PPP4R3A: variants seen among roughly 807,000 people sequenced by gnomAD.
PPP4R3A encodes serine/threonine-protein phosphatase 4 regulatory subunit 3A.
In PPP4R3A, 15 loss-of-function variants were observed where a neutral mutation model predicts 91.7. The observed-to-expected ratio is 0.16, with a 90% CI of 0.11 to 0.25. The LOEUF is 0.25. Among genes scored for constraint, PPP4R3A ranks in the 10% least tolerant of loss-of-function variants. The pLI is 1.00. For synonymous variants in PPP4R3A, 377 were observed against 348.7 expected, an observed-to-expected ratio of 1.08 and a Z score of -0.91; for missense variants, 623 against 998.4, an observed-to-expected ratio of 0.62 and a Z score of 5.07.
intron 10 of PPP4R3A, among the ~76,000 whole-genome samples, chr14:91,468,011 ACT>A (rs1464139230): frequency 1.3e-5 from 2 of 151,998 alleles, no homozygotes; most frequent in Non-Finnish European, 2.9e-5. Flanking sequence ...TTTGATAAAA[ACT>A]CCTATTGCAT....
intron 11 of PPP4R3A, among the ~76,000 whole-genome samples, chr14:91,464,544 G>A (rs563117048): frequency 1.8e-4 from 28 of 152,150 alleles, no homozygotes; most frequent in African/African-American, 6.3e-4. Flanking sequence ...TGGGAGGATC[G>A]TTTGAGCCCA....
chr14:91,471,005 A>G lies in PPP4R3A; in HGVS notation c.1502-10T>C. On this transcript the variant is annotated splice_polypyrimidine_tract_variant and intron_variant, in intron 9 of 14. Coordinates refer to ENST00000554943, the MANE Select transcript of PPP4R3A (RefSeq NM_001366432.2). Reference sequence around the variant, plus strand: ...GCAGTCTGAAAATCATCTAAAAGAAACAAAACACAACTAATTATATTTAAT... The same window carrying G: ...GCAGTCTGAAAATCATCTAAAAGAAGCAAAACACAACTAATTATATTTAAT... 3.8e-6 allele frequency: 6 copies of G among 1,572,060 alleles called. No individual in the cohort carries two copies. The highest frequency in any genetic ancestry group is 5.1e-6 in the Non-Finnish European group (6 of 1,166,990).
intron 1 of PPP4R3A, among the ~76,000 whole-genome samples, chr14:91,496,799 T>G (rs2140147723): frequency 6.6e-6 from 1 of 152,316 alleles, no homozygotes; most frequent in East Asian, 1.9e-4. Flanking sequence ...GTCTTTCAAC[T>G]TGAGGGCTCA....
At chr14:91,471,895 C>T (rs1391174502) in intron 9 of PPP4R3A, among the ~76,000 whole-genome samples, 1 of 151,574 alleles carries the variant, frequency 6.6e-6, no homozygotes, top group Non-Finnish European at 1.5e-5. Flanking sequence ...GAAAACCCTG[C>T]CTCTACTAAA....
Position 91,458,722 on chromosome 14 carries a change from T to G in PPP4R3A, c.*37A>C. The G allele has an allele frequency of 6.2e-7, 1 of 1,614,028 alleles. No individual in the cohort carries two copies. The highest frequency in any genetic ancestry group is 8.5e-7 in the Non-Finnish European group (1 of 1,179,928). On this transcript the variant is annotated 3_prime_UTR_variant, in exon 15 of 15. Transcript: ENST00000554943. ...ATGGGGGAGGGGTGGAGAACCAGTTTTTTTCAACAGGTACTGATCCTAGGC... is the reference window on the plus strand; with the variant it reads ...ATGGGGGAGGGGTGGAGAACCAGTTGTTTTCAACAGGTACTGATCCTAGGC...
At position 91,489,065 on chromosome 14, in the gene PPP4R3A, G is replaced by A. The variant is rs139718469; in HGVS notation, c.198+1682C>T. On this transcript the variant is annotated intron_variant, in intron 2 of 14. Coordinates refer to ENST00000554943, the MANE Select transcript of PPP4R3A (RefSeq NM_001366432.2). ...TGGGACTGCAGGTACCCGCCACCAC[G>A]CCCAGCTTATTTTTTGTATATTTAG... Among the ~76,000 whole-genome samples the A allele has an allele frequency of 1.7e-3, 260 of 151,984 alleles. 3 individuals are homozygous for A. Among genetic ancestry groups the A allele is most frequent in the Middle Eastern group, 3.4e-3 (1 of 294 alleles).
At position 91,462,887 on chromosome 14, in the gene PPP4R3A, A is replaced by C. The variant is rs1217596331; in HGVS notation, c.1831-10T>G. The C allele has an allele frequency of 4.4e-6, 7 of 1,575,686 alleles. No individual in the cohort carries two copies. The South Asian group carries it at 6.8e-5, about 15-fold the overall frequency. ...ATGATTTTATATCTTCCTACAGAAA[A>C]GAATAGTAATGAAAAAATGATAGGA... is the stretch of plus-strand genomic sequence containing the variant. On this transcript the variant is annotated splice_polypyrimidine_tract_variant and intron_variant, in intron 11 of 14. Coordinates refer to ENST00000554943, the MANE Select transcript of PPP4R3A (RefSeq NM_001366432.2).
intron 4 of PPP4R3A, among the ~76,000 whole-genome samples, chr14:91,477,469 A>C (rs1030256716): frequency 5.3e-5 from 8 of 152,232 alleles, no homozygotes; most frequent in African/African-American, 1.9e-4. Flanking sequence ...AGTGTTTTAA[A>C]GATACAGAGA....
At chr14:91,509,118 C>T (rs529051400) in intron 1 of PPP4R3A, among the ~76,000 whole-genome samples, 1 of 152,228 alleles carries the variant, frequency 6.6e-6, no homozygotes, top group Non-Finnish European at 1.5e-5. Context: ...AGTTTCATGC[C>T]TGCTTTACAG....
At chr14:91,508,430 C>T (rs1486500037) in intron 1 of PPP4R3A, among the ~76,000 whole-genome samples, 2 of 152,122 alleles carry the variant, frequency 1.3e-5, no homozygotes, top group Non-Finnish European at 2.9e-5. Flanking sequence ...AATTCAGATA[C>T]AGAATCGCTA....
chr14:91,487,204 C>A (rs968879864), intron 2 of PPP4R3A, among the ~76,000 whole-genome samples: 1 of 130,060 alleles, frequency 7.7e-6, no homozygotes, highest in African/African-American at 2.9e-5. Flanking sequence ...GATCCGAGAT[C>A]GTGCCACTGC....
intron 3 of PPP4R3A, among the ~76,000 whole-genome samples, chr14:91,483,205 GCAAGTAGAAGGC>G (rs1853193308): frequency 6.6e-6 from 1 of 152,110 alleles, no homozygotes; most frequent in African/African-American, 2.4e-5. Context: ...GAACACTAAA[GCAAGTAGAAGGC>G]CAAGTAGAAT....
intron 3 of PPP4R3A, among the ~76,000 whole-genome samples, chr14:91,483,451 C>G (rs1889693456): frequency 6.6e-6 from 1 of 152,194 alleles, no homozygotes. Context: ...TGGTCTCACA[C>G]TGGCTCTGAA....
Position 91,458,483 on chromosome 14 carries a change from C to CAA in PPP4R3A, c.*275_*276insTT. ...AGAGTTCCACTTACAAAACCCCTGC[C>CAA]CTGTTGGCTTTTTGTTTCCATTTCC... is the stretch of plus-strand genomic sequence containing the variant. On this transcript the variant is annotated 3_prime_UTR_variant, in exon 15 of 15. Coordinates refer to ENST00000554943, the MANE Select transcript of PPP4R3A (RefSeq NM_001366432.2). The CAA allele has an allele frequency of 2.1e-6, 1 of 481,964 alleles. No individual in the cohort carries two copies. The highest frequency in any genetic ancestry group is 3.8e-6 in the Non-Finnish European group (1 of 263,656). 29.9% of individuals were successfully genotyped at this position (481,964 alleles called of 1,614,324 possible).
intron 9 of PPP4R3A, among the ~76,000 whole-genome samples, chr14:91,471,938 G>A (rs1333273874): frequency 6.6e-6 from 1 of 151,812 alleles, no homozygotes; most frequent in Non-Finnish European, 1.5e-5. Flanking sequence ...GGTGGCAGGT[G>A]CCTGTAATCC....
At chr14:91,465,120 G>T in intron 11 of PPP4R3A, 130 bp downstream of exon 11, 1 of 696,280 alleles carries the variant, frequency 1.4e-6, no homozygotes, top group Non-Finnish European at 2.1e-6. Flanking sequence ...TCTCTCACAG[G>T]CTTTTAGTAC....
intron 2 of PPP4R3A, 77 bp from the exon 3 acceptor site, chr14:91,485,807 A>G: frequency 1.0e-6 from 1 of 973,878 alleles, no homozygotes. Flanking sequence ...AAGGAAATAA[A>G]ACTGTGCTCA....
intron 3 of PPP4R3A, among the ~76,000 whole-genome samples, 195 bp downstream of exon 3, chr14:91,485,437 T>A (rs966717627): frequency 2.0e-5 from 3 of 152,220 alleles, no homozygotes; most frequent in Admixed American, 1.3e-4. Context: ...TATAAAACAC[T>A]GGAGTTCAGC....
At chr14:91,479,565 C>A (rs1368447175) in intron 4 of PPP4R3A, among the ~76,000 whole-genome samples, 1 of 151,608 alleles carries the variant, frequency 6.6e-6, no homozygotes, top group East Asian at 1.9e-4. Flanking sequence ...TTTTTTGAGA[C>A]AGAATTTCAC....
Sources: allele counts gnomAD v4.1 joint callset (sites outside exome capture counted in the v4.1 genomes callset), GRCh38; gene constraint gnomAD v4.1.1; transcripts MANE v1.5; gene names NCBI Gene and HGNC (gene_info 2026-07-23, HGNC 2026-07-21).